Variants in SGMS1 observed in about 807,000 individuals in gnomAD.
The protein encoded by SGMS1 is phosphatidylcholine:ceramide cholinephosphotransferase 1.
A neutral mutation model predicts 46.2 loss-of-function variants in SGMS1; 13 were observed. That is an observed-to-expected ratio of 0.28 (90% CI 0.18 to 0.45). The LOEUF is 0.45. Among genes scored for constraint, SGMS1 ranks in the 20% least tolerant of loss-of-function variants. The probability of loss-of-function intolerance (pLI) is 1.00; values close to 1 mark genes in which losing one functional copy is unlikely to be tolerated. For missense variants in SGMS1, 324 were observed against 519.9 expected (o/e 0.62, Z 3.66); for synonymous variants, 203 against 187.8 (o/e 1.08, Z -0.66).
intron 3 of SGMS1, among the ~76,000 whole-genome samples, chr10:50,493,990 G>A (rs978973609): frequency 1.3e-5 from 2 of 152,146 alleles, no homozygotes; most frequent in Non-Finnish European, 2.9e-5. Context: ...GTAGAGATGG[G>A]GTTTCACCAT....
intron 2 of SGMS1, among the ~76,000 whole-genome samples, chr10:50,536,131 T>G (rs1837999383): frequency 6.6e-6 from 1 of 152,014 alleles, no homozygotes. Flanking sequence ...CCCAGGAGTT[T>G]GAGACCAGCC....
At chr10:50,382,112 T>C (rs562385329) in intron 6 of SGMS1, among the ~76,000 whole-genome samples, 96 of 152,314 alleles carry the variant, frequency 6.3e-4, no homozygotes, top group African/African-American at 2.3e-3. Context: ...ATCTCTTTTA[T>C]ATTAGGCAAG....
At chr10:50,517,223 A>G (rs982964276) in intron 3 of SGMS1, among the ~76,000 whole-genome samples, 21 of 152,208 alleles carry the variant, frequency 1.4e-4, no homozygotes, top group Admixed American at 6.5e-5. Flanking sequence ...GAAGCCCAAA[A>G]CCATTTAGAC....
At chr10:50,349,428 C>G (rs1180194426) in intron 6 of SGMS1, among the ~76,000 whole-genome samples, 1 of 152,162 alleles carries the variant, frequency 6.6e-6, no homozygotes, top group African/African-American at 2.4e-5. Flanking sequence ...AGCCAGGGAG[C>G]CTGCGTTTGA....
intron 6 of SGMS1, among the ~76,000 whole-genome samples, chr10:50,428,562 C>A (rs758930566): frequency 6.6e-6 from 1 of 152,134 alleles, no homozygotes; most frequent in Non-Finnish European, 1.5e-5. Context: ...ATGATAGAAG[C>A]TGTCCTGTTA....
rs746486175 is a variant in SGMS1 at position 50,343,650 on chromosome 10, G to T, written c.465C>A (p.Val155=). The T allele has an allele frequency of 9.4e-6, 15 of 1,602,810 alleles. No homozygotes were observed. The highest frequency in any genetic ancestry group is 1.2e-5 in the Non-Finnish European group (14 of 1,175,350). ...CCTTAGGAGGTACTCGTTCGTGGAC[G>T]ACCGAGATCATCACTGTGGTGAGAA... The part of the protein sequence containing the change: ...CFVLTTVMIS[V]VHERVPPKEV... Residue 155 remains valine (V), a synonymous_variant, in exon 7 of 11, where the codon GTC becomes GTA. Coordinates refer to ENST00000361781, the MANE Select transcript of SGMS1 (RefSeq NM_147156.4).
chr10:50,553,223 A>G (rs75901059), intron 2 of SGMS1, among the ~76,000 whole-genome samples: 1,649 of 152,244 alleles, frequency 0.011, 25 homozygotes, highest in African/African-American at 0.038. Context: ...GGGAAAGAGT[A>G]TAATTCAGTG....
intron 9 of SGMS1, 56 bp from the exon 10 acceptor site, chr10:50,308,204 C>T: frequency 6.7e-7 from 1 of 1,482,728 alleles, no homozygotes; most frequent in Non-Finnish European, 9.2e-7. Flanking sequence ...TTAAGGGCAC[C>T]CAACTATGCC....
intron 2 of SGMS1, among the ~76,000 whole-genome samples, chr10:50,555,480 C>T (rs1386669928): frequency 1.3e-5 from 2 of 152,138 alleles, no homozygotes; most frequent in Admixed American, 6.6e-5. Context: ...AATTACAGGG[C>T]TTCATGGGTA....
Position 50,512,179 on chromosome 10 carries a change from C to G in SGMS1, c.-498+7652G>C, listed in dbSNP as rs998555757. Among the ~76,000 whole-genome samples, 7 of 152,166 alleles carry G rather than the reference C, an allele frequency of 4.6e-5. 1 individual carries two copies. The highest frequency in any genetic ancestry group is 4.6e-4 in the Admixed American group (7 of 15,278). ...ACCACAGAGTAGCTGAATATGGCAA[C>G]AGGGTACTTGGGCACCTGAGAGAGG... On this transcript the variant is annotated intron_variant, in intron 3 of 10. Transcript: ENST00000361781.
At chr10:50,609,552 A>T (rs1201743002) in intron 1 of SGMS1, among the ~76,000 whole-genome samples, 3 of 135,220 alleles carry the variant, frequency 2.2e-5, no homozygotes, top group African/African-American at 8.2e-5. Flanking sequence ...TTACAAAGGC[A>T]TTACATACCT....
At chr10:50,372,398 A>G (rs1452483595) in intron 6 of SGMS1, among the ~76,000 whole-genome samples, 1 of 152,204 alleles carries the variant, frequency 6.6e-6, no homozygotes, top group African/African-American at 2.4e-5. Context: ...TCTCTTAAAA[A>G]ACACAGCTAA....
chr10:50,320,231 C>T (rs575038071), intron 8 of SGMS1, among the ~76,000 whole-genome samples: 17 of 152,260 alleles, frequency 1.1e-4, no homozygotes, highest in Admixed American at 7.2e-4. Context: ...TTCAGAAATC[C>T]ATGCAGAAGC....
chr10:50,513,279 C>T (rs1446706798), intron 3 of SGMS1, among the ~76,000 whole-genome samples: 1 of 152,144 alleles, frequency 6.6e-6, no homozygotes, highest in Non-Finnish European at 1.5e-5. Flanking sequence ...TTTCAATGGT[C>T]CCTGGGAAAA....
At chr10:50,407,641 CT>C (rs998615570) in intron 6 of SGMS1, among the ~76,000 whole-genome samples, 5 of 152,060 alleles carry the variant, frequency 3.3e-5, no homozygotes, top group East Asian at 1.9e-4. Context: ...ATAAGAGTGG[CT>C]TTTTTTTCCC....
intron 2 of SGMS1, among the ~76,000 whole-genome samples, chr10:50,523,908 C>T (rs990568289): frequency 6.6e-6 from 1 of 152,230 alleles, no homozygotes; most frequent in Non-Finnish European, 1.5e-5. Flanking sequence ...TGTGCACATG[C>T]GCACACACAC....
At position 50,307,178 on chromosome 10, in the gene SGMS1, C is replaced by A. The variant is rs779750409; in HGVS notation, c.1206G>T (p.Arg402Ser). Residue 402 changes from arginine to serine, a missense_variant, in exon 11 of 11, where the codon AGG becomes AGT. Arg to Ser is a moderately radical substitution (Grantham distance 110, BLOSUM62 -1). Coordinates refer to ENST00000361781, the MANE Select transcript of SGMS1 (RefSeq NM_147156.4). The surrounding 1 kb of genome is among the most constrained non-coding windows in gnomAD (Gnocchi z 4.2). ...PFPWPVVHLS[R>S]QVKYSRLVND... ...TCACCAGCCGGCTGTATTTAACTTG[C>A]CTACTGAGGTGGACTACTGGCCAGG... 6.2e-7 allele frequency: 1 copy of A among 1,614,008 alleles called. No individual in the cohort carries two copies. The highest frequency in any genetic ancestry group is 8.5e-7 in the Non-Finnish European group (1 of 1,179,970).
At chr10:50,511,647 C>T (rs1837756460) in intron 3 of SGMS1, among the ~76,000 whole-genome samples, 1 of 152,178 alleles carries the variant, frequency 6.6e-6, no homozygotes, top group Admixed American at 6.6e-5. Context: ...TTGCAACCAC[C>T]TGCCACAGTG....
rs1181457862 is a variant in SGMS1 at position 50,398,804 on chromosome 10, A to ATAT, written c.-232+34669_-232+34671dup. On this transcript the variant is annotated intron_variant, in intron 6 of 10. Coordinates refer to ENST00000361781, the MANE Select transcript of SGMS1 (RefSeq NM_147156.4). ...TCTCTATGGAATGGAAAAAATATATATATTATTATTATTATTCAAGACAGT... is the reference window on the plus strand; with the variant it reads ...TCTCTATGGAATGGAAAAAATATATATATTATTATTATTATTATTCAAGACAGT... Among the ~76,000 whole-genome samples, 6 of 151,878 alleles carry ATAT rather than the reference A, an allele frequency of 4.0e-5. No individual in the cohort carries two copies. The South Asian group carries it at 8.3e-4, about 21-fold the overall frequency.
Sources: gnomAD v4.1 joint callset for allele counts (sites outside exome capture counted in the v4.1 genomes callset) on GRCh38, gnomAD v4.1.1 for gene constraint, Gnocchi (gnomAD v3.1) non-coding constraint, MANE v1.5 for transcripts, NCBI Gene and HGNC (gene_info 2026-07-23, HGNC 2026-07-21) for gene names.